Variants in APBB2 observed in about 807,000 individuals in gnomAD.
APBB2 encodes Fe65-like 1.
A neutral mutation model predicts 82.5 loss-of-function variants in APBB2; 38 were observed. The observed-to-expected ratio is 0.46, with a 90% CI of 0.36 to 0.60. The LOEUF is 0.60. APBB2 is among the 20% of genes least tolerant of loss of function. APBB2 has a pLI of 0.00. For synonymous variants in APBB2, 341 were observed against 368.2 expected, an observed-to-expected ratio of 0.93 and a Z score of 0.85; for missense variants, 772 against 972.3, an observed-to-expected ratio of 0.79 and a Z score of 2.74.
chr4:41,022,529 G>A (rs974728693), intron 5 of APBB2, among the ~76,000 whole-genome samples: 2 of 152,072 alleles, frequency 1.3e-5, no homozygotes, highest in Admixed American at 6.5e-5. Flanking sequence ...AGATGTCACC[G>A]CTTTATGAAG....
intron 11 of APBB2, among the ~76,000 whole-genome samples, chr4:40,891,298 G>A (rs1213742163): frequency 1.3e-5 from 2 of 152,090 alleles, no homozygotes; most frequent in Non-Finnish European, 2.9e-5. Context: ...GCTCTTTGTG[G>A]GCAGAAGCAC....
At chr4:40,836,319 A>G (rs1753926494) in intron 12 of APBB2, among the ~76,000 whole-genome samples, 1 of 152,190 alleles carries the variant, frequency 6.6e-6, no homozygotes. Context: ...TCTACTAAAA[A>G]TACAAAAATT....
At chr4:40,957,994 T>C (rs1380143501) in intron 6 of APBB2, among the ~76,000 whole-genome samples, 3 of 152,134 alleles carry the variant, frequency 2.0e-5, no homozygotes, top group Admixed American at 1.3e-4. Context: ...AAACACAACA[T>C]AGTCAGGAGG....
intron 6 of APBB2, among the ~76,000 whole-genome samples, chr4:40,954,169 G>T (rs2154385453): frequency 6.6e-6 from 1 of 152,298 alleles, no homozygotes; most frequent in South Asian, 2.1e-4. Flanking sequence ...AAATCCAAGG[G>T]TCAAATGAAA....
intron 7 of APBB2, among the ~76,000 whole-genome samples, chr4:40,936,071 G>C (rs73150571): frequency 0.035 from 5,319 of 152,280 alleles, 311 homozygotes; most frequent in African/African-American, 0.12. Flanking sequence ...AAATCTGTTT[G>C]TATAAGAAAT....
chr4:40,985,778 C>T (rs552745277), intron 6 of APBB2, among the ~76,000 whole-genome samples: 1 of 152,178 alleles, frequency 6.6e-6, no homozygotes, highest in African/African-American at 2.4e-5. Context: ...GATAATGACA[C>T]AAAATTATCC....
intron 12 of APBB2, among the ~76,000 whole-genome samples, chr4:40,842,213 G>A (rs1226806761): frequency 6.6e-6 from 1 of 152,252 alleles, no homozygotes; most frequent in Admixed American, 6.5e-5. Context: ...AAATGCTGGT[G>A]ATAAGAGGCG....
intron 4 of APBB2, among the ~76,000 whole-genome samples, chr4:41,043,762 G>A (rs936323822): frequency 6.6e-6 from 1 of 152,066 alleles, no homozygotes; most frequent in African/African-American, 2.4e-5. Flanking sequence ...GTCACCATTA[G>A]TGCTGTCTAT....
intron 3 of APBB2, among the ~76,000 whole-genome samples, chr4:41,097,761 CTGAATTGCT>C (rs1744033570): frequency 6.6e-6 from 1 of 152,082 alleles, no homozygotes; most frequent in Non-Finnish European, 1.5e-5. Context: ...AATCAATTTT[CTGAATTGCT>C]TGAAATGCTT....
intron 4 of APBB2, among the ~76,000 whole-genome samples, chr4:41,039,852 TACTC>T (rs1357443294): frequency 7.8e-6 from 1 of 128,322 alleles, no homozygotes; most frequent in South Asian, 2.5e-4. Flanking sequence ...AAAAAAAAAA[TACTC>T]ACTGCTATTA....
At chr4:40,924,797 G>A (rs372587223) in intron 10 of APBB2, among the ~76,000 whole-genome samples, 18 of 152,248 alleles carry the variant, frequency 1.2e-4, no homozygotes, top group South Asian at 4.1e-4. Flanking sequence ...TTTAAGCTAC[G>A]AAGTTTTGGT....
intron 1 of APBB2, among the ~76,000 whole-genome samples, chr4:41,172,679 A>G (rs937035442): frequency 1.6e-4 from 24 of 152,242 alleles, no homozygotes; most frequent in Admixed American, 1.4e-3. Context: ...TGAAATCCAT[A>G]TGCTTGAAAT....
intron 1 of APBB2, among the ~76,000 whole-genome samples, chr4:41,192,256 A>G (rs1774661199): frequency 1.3e-5 from 2 of 152,228 alleles, no homozygotes; most frequent in African/African-American, 4.8e-5. Flanking sequence ...TCAAAACAGA[A>G]CTACTATAGG....
intron 12 of APBB2, among the ~76,000 whole-genome samples, chr4:40,851,758 T>TC (rs1491515200): frequency 2.5e-5 from 3 of 121,898 alleles, no homozygotes; most frequent in African/African-American, 1.0e-4. Context: ...TTTTTTTTTT[T>TC]CAAAACCAAA....
intron 1 of APBB2, among the ~76,000 whole-genome samples, chr4:41,170,227 A>G (rs538443893): frequency 3.9e-5 from 6 of 152,176 alleles, no homozygotes; most frequent in African/African-American, 1.4e-4. Context: ...TTTTCTTTTT[A>G]TGATGATTTT....
At chr4:40,954,461 A>C (rs768735944) in intron 6 of APBB2, among the ~76,000 whole-genome samples, 49 of 152,248 alleles carry the variant, frequency 3.2e-4, no homozygotes, top group Admixed American at 1.2e-3. Context: ...GTTTAAAGCT[A>C]GGGGTGCAGA....
chr4:41,156,018 T>C (rs1763359483), intron 1 of APBB2, among the ~76,000 whole-genome samples: 1 of 152,056 alleles, frequency 6.6e-6, no homozygotes, highest in Non-Finnish European at 1.5e-5. Context: ...ACAACATTTG[T>C]TGGAAAGTTC....
chr4:40,968,038 A>G (rs757434321), intron 6 of APBB2, among the ~76,000 whole-genome samples: 5 of 152,236 alleles, frequency 3.3e-5, no homozygotes, highest in Non-Finnish European at 7.3e-5. Context: ...TTCACATTTC[A>G]TCAACAGCAG....
At chr4:41,202,303 T>C (rs1246540731) in intron 1 of APBB2, among the ~76,000 whole-genome samples, 1 of 152,222 alleles carries the variant, frequency 6.6e-6, no homozygotes, top group Non-Finnish European at 1.5e-5. Context: ...ACAAGTAGAA[T>C]TGTACAATAT....
Sources: allele counts gnomAD v4.1 joint callset (sites outside exome capture counted in the v4.1 genomes callset), GRCh38; gene constraint gnomAD v4.1.1; transcripts MANE v1.5; gene names NCBI Gene and HGNC (gene_info 2026-07-23, HGNC 2026-07-21).